LRRC4C: variants seen among roughly 807,000 people sequenced by gnomAD.
LRRC4C encodes the protein leucine rich repeat containing 4C, also known as leucine-rich repeat-containing protein 4C.
A neutral mutation model predicts 33.6 loss-of-function variants in LRRC4C; 5 were observed. The observed-to-expected ratio is 0.15, with a 90% CI of 0.08 to 0.31. LRRC4C has a LOEUF of 0.31. Among genes scored for constraint, LRRC4C ranks in the 10% least tolerant of loss-of-function variants. The probability of loss-of-function intolerance (pLI) is 1.00; values close to 1 mark genes in which losing one functional copy is unlikely to be tolerated. For missense variants in LRRC4C, 560 were observed against 796.7 expected, an observed-to-expected ratio of 0.70 and a Z score of 3.58; for synonymous variants, 329 against 302.0, an observed-to-expected ratio of 1.09 and a Z score of -0.93.
chr11:40,473,600 C>T (rs1433457654), intron 3 of LRRC4C, among the ~76,000 whole-genome samples: 11 of 151,984 alleles, frequency 7.2e-5, no homozygotes, highest in African/African-American at 1.7e-4. Context: ...AAGTTCTGCC[C>T]GGGGCAAGTA....
At chr11:40,823,414 CATTA>C (rs1232074909) in intron 2 of LRRC4C, among the ~76,000 whole-genome samples, 4 of 151,562 alleles carry the variant, frequency 2.6e-5, no homozygotes, top group East Asian at 3.9e-4. Context: ...AAAATAAATA[CATTA>C]ATTAATTAAT....
At chr11:40,959,242 C>T (rs772535803) in intron 1 of LRRC4C, among the ~76,000 whole-genome samples, 1 of 151,542 alleles carries the variant, frequency 6.6e-6, no homozygotes, top group Non-Finnish European at 1.5e-5. Context: ...AAACAGAACT[C>T]AACACAGTGG....
chr11:41,215,487 CA>C (rs764578889), intron 1 of LRRC4C, among the ~76,000 whole-genome samples: 7,125 of 64,366 alleles, frequency 0.11, 247 homozygotes, highest in African/African-American at 0.21. Context: ...AATTCCATCT[CA>C]AAAAAAAAAA....
chr11:40,643,913 C>T (rs1410456680), intron 3 of LRRC4C, among the ~76,000 whole-genome samples: 1 of 152,110 alleles, frequency 6.6e-6, no homozygotes, highest in East Asian at 1.9e-4. Flanking sequence ...TCCAGAATCT[C>T]ATAATATCAT....
chr11:40,362,760 C>T lies in LRRC4C; in HGVS notation c.-269-43039G>A, dbSNP rs893048482. Among the ~76,000 whole-genome samples, 9 of 151,980 alleles carry T rather than the reference C, an allele frequency of 5.9e-5. No individual in the cohort carries two copies. The South Asian group carries it at 6.2e-4, about 11-fold the overall frequency. On this transcript the variant is annotated intron_variant, in intron 3 of 6. Coordinates refer to ENST00000528697, the MANE Select transcript of LRRC4C (RefSeq NM_001258419.2). ...ATCAATAAATCGTGAGAAAAGGACA[C>T]GAACAGACGCTTCTCAAAAGCAGAC... is the stretch of plus-strand genomic sequence containing the variant.
At chr11:41,147,620 T>C (rs1459120067) in intron 1 of LRRC4C, among the ~76,000 whole-genome samples, 2 of 152,228 alleles carry the variant, frequency 1.3e-5, no homozygotes, top group Non-Finnish European at 2.9e-5. Context: ...CATGATATGT[T>C]AATATATGTA....
chr11:40,455,940 G>A (rs554014818), intron 3 of LRRC4C, among the ~76,000 whole-genome samples: 4 of 152,074 alleles, frequency 2.6e-5, no homozygotes, highest in East Asian at 3.9e-4. Context: ...ATTGATACAC[G>A]GTAAATGTTC....
At chr11:41,417,336 AT>A (rs1411589220) in intron 1 of LRRC4C, among the ~76,000 whole-genome samples, 1 of 152,092 alleles carries the variant, frequency 6.6e-6, no homozygotes, top group African/African-American at 2.4e-5. Flanking sequence ...CAACAACATG[AT>A]TTAAACTAGT....
chr11:40,148,057 A>G, intron 5 of LRRC4C, among the ~76,000 whole-genome samples: 1 of 151,890 alleles, frequency 6.6e-6, no homozygotes, highest in East Asian at 1.9e-4. Flanking sequence ...ATCCATGTCC[A>G]TACTATGGCT....
At chr11:41,235,452 C>A (rs987864615) in intron 1 of LRRC4C, among the ~76,000 whole-genome samples, 1 of 152,046 alleles carries the variant, frequency 6.6e-6, no homozygotes, top group Non-Finnish European at 1.5e-5. Context: ...TTGTCTTGGG[C>A]ACTGTGACTG....
At chr11:40,458,730 AT>A (rs1389724841) in intron 3 of LRRC4C, among the ~76,000 whole-genome samples, 1 of 152,192 alleles carries the variant, frequency 6.6e-6, no homozygotes, top group Non-Finnish European at 1.5e-5. Context: ...AGAATCTAGA[AT>A]TTCAAATCAC....
chr11:40,679,291 T>C (rs1010843163), intron 2 of LRRC4C, among the ~76,000 whole-genome samples: 2 of 151,930 alleles, frequency 1.3e-5, no homozygotes, highest in Non-Finnish European at 2.9e-5. Flanking sequence ...AAACAGAACA[T>C]TAAAGTTTGG....
intron 2 of LRRC4C, among the ~76,000 whole-genome samples, chr11:40,867,641 A>G (rs1033039886): frequency 3.3e-5 from 5 of 152,188 alleles, no homozygotes; most frequent in African/African-American, 1.2e-4. Context: ...TTCTAGCATT[A>G]TGTTAACAGA....
At chr11:41,379,813 G>A (rs1953076131) in intron 1 of LRRC4C, among the ~76,000 whole-genome samples, 1 of 152,042 alleles carries the variant, frequency 6.6e-6, no homozygotes, top group South Asian at 2.1e-4. Flanking sequence ...AATTAAACAA[G>A]ATCTATGTCT....
intron 3 of LRRC4C, among the ~76,000 whole-genome samples, chr11:40,335,807 A>G (rs1946571115): frequency 6.6e-6 from 1 of 152,228 alleles, no homozygotes; most frequent in African/African-American, 2.4e-5. Flanking sequence ...TGTGTAACGC[A>G]GGTAAGTAAG....
intron 1 of LRRC4C, among the ~76,000 whole-genome samples, chr11:41,012,795 T>C (rs986966478): frequency 6.6e-6 from 1 of 152,182 alleles, no homozygotes; most frequent in African/African-American, 2.4e-5. Context: ...TGGGGTGAGA[T>C]GATATCTCTT....
intron 4 of LRRC4C, among the ~76,000 whole-genome samples, chr11:40,276,634 T>C (rs1172908222): frequency 1.3e-5 from 2 of 151,542 alleles, no homozygotes; most frequent in East Asian, 1.9e-4. Flanking sequence ...GGAGAAGTCA[T>C]GTGGGAATTC....
At chr11:41,328,458 C>G (rs1274288699) in intron 1 of LRRC4C, among the ~76,000 whole-genome samples, 1 of 151,780 alleles carries the variant, frequency 6.6e-6, no homozygotes. Context: ...TGTATGTGTA[C>G]CTAGCGTGGG....
At chr11:41,426,072 C>T (rs970368765) in intron 1 of LRRC4C, among the ~76,000 whole-genome samples, 1 of 152,098 alleles carries the variant, frequency 6.6e-6, no homozygotes, top group Admixed American at 6.6e-5. Context: ...CTGGGGCCAC[C>T]TTTTGGGAAA....
Sources: gnomAD v4.1 joint callset for allele counts (sites outside exome capture counted in the v4.1 genomes callset) on GRCh38, gnomAD v4.1.1 for gene constraint, MANE v1.5 for transcripts, NCBI Gene and HGNC (gene_info 2026-07-23, HGNC 2026-07-21) for gene names.